The following KCNQ5 variants were observed in gnomAD, a reference collection of about 807,000 sequenced individuals.
The protein encoded by KCNQ5 is potassium voltage-gated channel subfamily KQT member 5.
A neutral mutation model predicts 98.2 loss-of-function variants in KCNQ5; 30 were observed. The observed-to-expected ratio is 0.31, with a 90% confidence interval of 0.23 to 0.41. The LOEUF (loss-of-function observed/expected upper bound fraction) is 0.41. Ranked by LOEUF, KCNQ5 falls within the 10% of genes least tolerant of loss-of-function variation. The pLI is 1.00. For synonymous variants in KCNQ5, 458 were observed against 449.4 expected (o/e 1.02, Z -0.24); for missense variants, 835 against 1,182.5 (o/e 0.71, Z 4.31).
At chr6:72,963,343 T>C (rs1259324525) in intron 1 of KCNQ5, among the ~76,000 whole-genome samples, 2 of 152,230 alleles carry the variant, frequency 1.3e-5, no homozygotes, top group Non-Finnish European at 2.9e-5. Context: ...ATGTTCTATT[T>C]TAAGCTTGAG....
intron 1 of KCNQ5, chr6:72,987,343 G>A (rs2000203): frequency 0.56 from 393,313 of 699,616 alleles, 120,030 homozygotes; most frequent in Middle Eastern, 0.64. Flanking sequence ...CAGGTGAGGC[G>A]AAAGGCCTTG....
intron 1 of KCNQ5, among the ~76,000 whole-genome samples, chr6:72,847,546 T>A (rs1356433774): frequency 6.6e-6 from 1 of 152,164 alleles, no homozygotes; most frequent in African/African-American, 2.4e-5. Flanking sequence ...AATTGAGAAT[T>A]GGCCTTAGGC....
At chr6:72,685,807 T>G (rs1290068142) in intron 1 of KCNQ5, among the ~76,000 whole-genome samples, 3 of 152,248 alleles carry the variant, frequency 2.0e-5, no homozygotes, top group African/African-American at 7.2e-5. Context: ...AGAGGATAAC[T>G]TCCTAGAAAT....
chr6:73,188,244 C>T (rs1765454536), intron 11 of KCNQ5, among the ~76,000 whole-genome samples: 1 of 152,106 alleles, frequency 6.6e-6, no homozygotes, highest in South Asian at 2.1e-4. Flanking sequence ...TTTTGGGGGG[C>T]AAGTTACTTA....
intron 8 of KCNQ5, 138 bp downstream of exon 8, chr6:73,120,715 AT>A: frequency 2.2e-6 from 1 of 445,260 alleles, no homozygotes; most frequent in Non-Finnish European, 4.0e-6. Flanking sequence ...ATTCAAACCT[AT>A]TTAGTAGCAG....
intron 1 of KCNQ5, among the ~76,000 whole-genome samples, chr6:72,958,716 G>A (rs866455500): frequency 6.6e-5 from 10 of 152,136 alleles, no homozygotes; most frequent in Middle Eastern, 3.2e-3. Flanking sequence ...TCAAGAATCA[G>A]GTAACAATCC....
In KCNQ5 at chr6:73,055,344, G is replaced by A. The variant is rs73535934; in HGVS notation, c.616+13282G>A. Reference sequence around the variant, plus strand: ...TAGCTGCCAATAGTGAGGACTTGGCGCCTCAATGAGCAGCACTATGGGGCT... The same window carrying A: ...TAGCTGCCAATAGTGAGGACTTGGCACCTCAATGAGCAGCACTATGGGGCT... On this transcript the variant is annotated intron_variant, in intron 3 of 13. Coordinates refer to ENST00000370398, the MANE Select transcript of KCNQ5 (RefSeq NM_019842.4). 9.7e-3 allele frequency: 13,981 copies of A among 1,436,650 alleles called. 884 individuals carry two copies. The African/African-American group carries it at 0.15, about 16-fold the overall frequency. 89.0% of individuals were successfully genotyped at this position (1,436,650 alleles called of 1,614,324 possible).
chr6:73,126,887 CT>C lies in KCNQ5; in HGVS notation c.1247+2376del, dbSNP rs549180750. ...TCTTGGATAGAGTAATAAAATGGCC[CT>C]GACCTCAAGTAGTTTGTGGGAAGAG... On this transcript the variant is annotated intron_variant, in intron 9 of 13. Coordinates refer to ENST00000370398, the MANE Select transcript of KCNQ5 (RefSeq NM_019842.4). 3.0e-4 allele frequency among the ~76,000 whole-genome samples: 46 copies of C among 151,980 alleles called. 1 individual carries two copies. The highest frequency in any genetic ancestry group is 2.5e-3 in the South Asian group (12 of 4,786).
chr6:72,628,342 G>A (rs2098919031), intron 1 of KCNQ5, among the ~76,000 whole-genome samples: 1 of 152,176 alleles, frequency 6.6e-6, no homozygotes, highest in Non-Finnish European at 1.5e-5. Flanking sequence ...AATTCTGTAA[G>A]TCATTTCACA....
intron 5 of KCNQ5, among the ~76,000 whole-genome samples, chr6:73,088,963 A>G (rs934302740): frequency 6.6e-6 from 1 of 151,966 alleles, no homozygotes; most frequent in African/African-American, 2.4e-5. Context: ...TCTCCTGTAC[A>G]TTTGCTGCCA....
In KCNQ5 at chr6:72,650,812, T is replaced by C. The variant is rs143097484; in HGVS notation, c.398+28225T>C. On this transcript the variant is annotated intron_variant, in intron 1 of 13. Coordinates refer to ENST00000370398, the MANE Select transcript of KCNQ5 (RefSeq NM_019842.4). ...AATATTCCTAGCCTTCACGTGGTTT[T>C]AGTCTAAAGGGAGAACACTCAGGAA... Among the ~76,000 whole-genome samples the C allele has an allele frequency of 2.1e-4, 32 of 152,190 alleles. No individual in the cohort carries two copies. In the East Asian group the frequency reaches 6.0e-3, roughly 28 times the overall value.
intron 1 of KCNQ5, among the ~76,000 whole-genome samples, chr6:72,948,648 CTTAAG>C (rs935231374): frequency 6.6e-6 from 1 of 151,820 alleles, no homozygotes; most frequent in Admixed American, 6.6e-5. Flanking sequence ...AAAAATTTTC[CTTAAG>C]TTATTTTCTA....
At chr6:73,193,019 A>T (rs1347295829) in intron 13 of KCNQ5, among the ~76,000 whole-genome samples, 46 of 127,916 alleles carry the variant, frequency 3.6e-4, no homozygotes, top group Non-Finnish European at 6.1e-4. Flanking sequence ...TAGGTCATTA[A>T]TTTTTTTTTT....
At chr6:72,629,610 A>C (rs543127721) in intron 1 of KCNQ5, among the ~76,000 whole-genome samples, 1 of 152,360 alleles carries the variant, frequency 6.6e-6, no homozygotes, top group African/African-American at 2.4e-5. Flanking sequence ...AATTGCTTGC[A>C]AAGAAGTAGC....
At chr6:72,927,401 T>C (rs1582031391) in intron 1 of KCNQ5, among the ~76,000 whole-genome samples, 1 of 152,126 alleles carries the variant, frequency 6.6e-6, no homozygotes, top group South Asian at 2.1e-4. Context: ...GAGAAGCAAG[T>C]CATCTCTTAT....
chr6:72,764,377 T>A (rs1227611242), intron 1 of KCNQ5, among the ~76,000 whole-genome samples: 1 of 152,026 alleles, frequency 6.6e-6, no homozygotes, highest in South Asian at 2.1e-4. Context: ...ATATTAAGTA[T>A]CTGCTATGTG....
At chr6:72,808,413 G>A (rs1370739875) in intron 1 of KCNQ5, among the ~76,000 whole-genome samples, 1 of 152,066 alleles carries the variant, frequency 6.6e-6, no homozygotes, top group Admixed American at 6.6e-5. Flanking sequence ...CGGAATACAA[G>A]GAGTTGTTCT....
At chr6:73,091,496 AAAAAAG>A (rs917140738) in intron 5 of KCNQ5, among the ~76,000 whole-genome samples, 4 of 152,106 alleles carry the variant, frequency 2.6e-5, no homozygotes, top group African/African-American at 4.8e-5. Flanking sequence ...TCAGCCTTAA[AAAAAAG>A]AAAAAGAAAA....
intron 1 of KCNQ5, among the ~76,000 whole-genome samples, chr6:72,961,770 CA>C (rs1335662342): frequency 6.6e-6 from 1 of 151,860 alleles, no homozygotes; most frequent in African/African-American, 2.4e-5. Flanking sequence ...GAAATCCATT[CA>C]GGTAATTGTG....
Sources: allele counts gnomAD v4.1 joint callset (sites outside exome capture counted in the v4.1 genomes callset), GRCh38; gene constraint gnomAD v4.1.1; transcripts MANE v1.5; gene names NCBI Gene and HGNC (gene_info 2026-07-23, HGNC 2026-07-21).